The following PCID2 variants were observed in gnomAD, a reference collection of about 807,000 sequenced individuals.
PCID2 encodes the protein PCI domain-containing protein 2.
A neutral mutation model predicts 61.3 loss-of-function variants in PCID2; 41 were observed. That is an observed-to-expected ratio of 0.67 (90% CI 0.52 to 0.87). The LOEUF (loss-of-function observed/expected upper bound fraction) is 0.87. Ranked by LOEUF, PCID2 falls within the 40% of genes least tolerant of loss-of-function variation. The pLI, the probability that PCID2 is intolerant of heterozygous loss-of-function variation, is 0.00. For synonymous variants in PCID2, 187 were observed against 177.8 expected (o/e 1.05, Z -0.41); for missense variants, 392 against 493.4 (o/e 0.79, Z 1.95).
At position 113,197,145 on chromosome 13, in the gene PCID2, T is replaced by C. The variant is rs1201659970; in HGVS notation, c.266+33A>G. On this transcript the variant is annotated intron_variant, in intron 4 of 13. Coordinates refer to ENST00000337344, the MANE Select transcript of PCID2 (RefSeq NM_001127202.4). ...CAAGTAATCCACTGCATGTGTTCTA[T>C]GCGGGACAGCTGCCATGAACGACAA... The C allele has an allele frequency of 3.7e-6, 6 of 1,614,042 alleles. No individual in the cohort carries two copies. In the East Asian group the frequency reaches 6.7e-5, roughly 18 times the overall value.
chr13:113,204,749 G>T (rs1001878303), intron 1 of PCID2, among the ~76,000 whole-genome samples: 1 of 152,208 alleles, frequency 6.6e-6, no homozygotes, highest in Admixed American at 6.5e-5. Context: ...GATGTGAAGA[G>T]GAAAAGCAGG....
At position 113,177,626 on chromosome 13, in the gene PCID2, A is replaced by G. The variant is rs907548013; in HGVS notation, c.*572T>C. 2.0e-5 allele frequency: 3 copies of G among 152,234 alleles called. No individual in the cohort carries two copies. Among genetic ancestry groups the G allele is most frequent in the Admixed American group, 1.3e-4 (2 of 15,294 alleles). 9.4% of individuals were successfully genotyped at this position (152,234 alleles called of 1,614,324 possible). Reference sequence around the variant, plus strand: ...AACCAACAAAGCAAAGGCAAATAAAATAAGTTTATTGGGATGTAACCCTAT... The same window carrying G: ...AACCAACAAAGCAAAGGCAAATAAAGTAAGTTTATTGGGATGTAACCCTAT... On this transcript the variant is annotated 3_prime_UTR_variant, in exon 14 of 14. Transcript: ENST00000337344.
intron 1 of PCID2, among the ~76,000 whole-genome samples, chr13:113,204,178 TG>T (rs1408656080): frequency 6.6e-6 from 1 of 152,250 alleles, no homozygotes; most frequent in Non-Finnish European, 1.5e-5. Context: ...GGCCTTGCAC[TG>T]GGCCCAGCCC....
intron 1 of PCID2, among the ~76,000 whole-genome samples, chr13:113,203,908 C>T (rs1463839509): frequency 6.6e-6 from 1 of 152,238 alleles, no homozygotes; most frequent in Non-Finnish European, 1.5e-5. Context: ...GTCAGTTTAG[C>T]CCCAGAGAGG....
At chr13:113,194,280 GAC>G (rs2038842113) in intron 6 of PCID2, among the ~76,000 whole-genome samples, 1 of 152,186 alleles carries the variant, frequency 6.6e-6, no homozygotes, top group Non-Finnish European at 1.5e-5. Flanking sequence ...TGCTGGATTG[GAC>G]TGTCTTCCCA....
intron 9 of PCID2, 128 bp from the exon 10 acceptor site, chr13:113,181,358 A>C (rs989697781): frequency 1.7e-6 from 1 of 593,438 alleles, no homozygotes; most frequent in Non-Finnish European, 3.0e-6. Context: ...ATCTCAAAAA[A>C]TATCATCCCA....
chr13:113,208,403 G>A (rs1566997418), intron 1 of PCID2, 196 bp downstream of exon 1: 1 of 1,473,656 alleles, frequency 6.8e-7, no homozygotes, highest in Non-Finnish European at 9.0e-7. Flanking sequence ...CGGCGGCCCT[G>A]CAGGGGAGAA....
rs2037383273 is a variant in PCID2, at chr13:113,179,108, A to AG, written c.987-20dup. ...CAAATACCTGGAAGAGGGGAGGAGAAGGGCACTGTGGTTACCGACAGGATG... is the reference window on the plus strand; with the variant it reads ...CAAATACCTGGAAGAGGGGAGGAGAAGGGGCACTGTGGTTACCGACAGGATG... On this transcript the variant is annotated intron_variant, in intron 12 of 13. Coordinates refer to ENST00000337344, the MANE Select transcript of PCID2 (RefSeq NM_001127202.4). The surrounding 1 kb of genome is among the most constrained non-coding windows in gnomAD (Gnocchi z 4.3). 1 of 1,610,578 alleles carries AG rather than the reference A, an allele frequency of 6.2e-7. No individual in the cohort carries two copies. The highest frequency in any genetic ancestry group is 1.3e-5 in the African/African-American group (1 of 74,798).
chr13:113,208,053 T>C, intron 1 of PCID2: 3 of 1,612,830 alleles, frequency 1.9e-6, no homozygotes, highest in Non-Finnish European at 2.5e-6. Flanking sequence ...GTCAGACGCA[T>C]GTACCGAGCG....
chr13:113,193,323 G>A (rs1282722377), intron 6 of PCID2, among the ~76,000 whole-genome samples: 1 of 151,222 alleles, frequency 6.6e-6, no homozygotes, highest in Non-Finnish European at 1.5e-5. Context: ...TAGAGTCAAA[G>A]AATTATCTCA....
chr13:113,178,861 G>A (rs1209163962), intron 13 of PCID2, 105 bp downstream of exon 13: 3 of 1,139,436 alleles, frequency 2.6e-6, no homozygotes, highest in African/African-American at 3.1e-5. Context: ...CAAAAAAAAA[G>A]CAGAAGGCCT....
At chr13:113,175,951 G>A (rs1463365157), downstream of PCID2, among the ~76,000 whole-genome samples, 1 of 152,254 alleles carries the variant, frequency 6.6e-6, no homozygotes, top group African/African-American at 2.4e-5. Flanking sequence ...GAGAGCCCGG[G>A]CCAATACACG....
intron 5 of PCID2, among the ~76,000 whole-genome samples, chr13:113,195,342 C>T (rs1317711556): frequency 6.6e-6 from 1 of 152,220 alleles, no homozygotes; most frequent in Non-Finnish European, 1.5e-5. Context: ...CGGTGCTCCA[C>T]ACCCCTGTCC....
chr13:113,179,289 C>T lies in PCID2; in HGVS notation c.987-200G>A, dbSNP rs2037399165. The stretch of plus-strand genomic sequence containing the variant: ...CTTTAAAAAGTCACTAGTACAAACA[C>T]AATTTTTAATTATTTTCTAAGTATT... On this transcript the variant is annotated intron_variant, in intron 12 of 13. Coordinates refer to ENST00000337344, the MANE Select transcript of PCID2 (RefSeq NM_001127202.4). This position sits in a 1 kb window ranked among gnomAD's most constrained non-coding sequence, Gnocchi z 4.3. 6.6e-6 allele frequency among the ~76,000 whole-genome samples: 1 copy of T among 152,128 alleles called. No homozygotes were observed. The highest frequency in any genetic ancestry group is 1.5e-5 in the Non-Finnish European group (1 of 68,024).
intron 7 of PCID2, among the ~76,000 whole-genome samples, chr13:113,189,875 T>G (rs1595199390): frequency 6.6e-6 from 1 of 152,022 alleles, no homozygotes; most frequent in Non-Finnish European, 1.5e-5. Context: ...ATACAAAAAG[T>G]AGCCGGACGT....
the PCID2 span, chr13:113,170,681 G>A: frequency 1.6e-6 from 1 of 637,126 alleles, no homozygotes; most frequent in Non-Finnish European, 2.8e-6. Context: ...ATCAACTCAG[G>A]AAGCATATGT....
At chr13:113,173,774 A>G (rs2037150679), downstream of PCID2, among the ~76,000 whole-genome samples, 1 of 152,236 alleles carries the variant, frequency 6.6e-6, no homozygotes, top group African/African-American at 2.4e-5. Flanking sequence ...TCAAACTACA[A>G]TAAGGTAAGT....
At chr13:113,176,779 A>T (rs1433298184), downstream of PCID2, among the ~76,000 whole-genome samples, 1 of 152,048 alleles carries the variant, frequency 6.6e-6, no homozygotes, top group Non-Finnish European at 1.5e-5. Context: ...GGAGGGAGAG[A>T]GTCATCTCTA....
rs888323299 is a variant in PCID2 at position 113,179,808 on chromosome 13, C to T, written c.986+109G>A. On this transcript the variant is annotated intron_variant, in intron 12 of 13. Coordinates refer to ENST00000337344, the MANE Select transcript of PCID2 (RefSeq NM_001127202.4). This position sits in a 1 kb window ranked among gnomAD's most constrained non-coding sequence, Gnocchi z 4.3. ...ATCCCACACAATGGAAGGAAGATAACGACCCCACCCACACGGTGGCCTTCT... is the reference window on the plus strand; with the variant it reads ...ATCCCACACAATGGAAGGAAGATAATGACCCCACCCACACGGTGGCCTTCT... 67 of 1,099,828 alleles carry T rather than the reference C, an allele frequency of 6.1e-5. No individual in the cohort carries two copies. Among genetic ancestry groups the T allele is most frequent in the Admixed American group, 1.8e-4 (7 of 38,342 alleles). 68.1% of individuals were successfully genotyped at this position (1,099,828 alleles called of 1,614,324 possible).
Sources: gnomAD v4.1 joint callset for allele counts (sites outside exome capture counted in the v4.1 genomes callset) on GRCh38, gnomAD v4.1.1 for gene constraint, Gnocchi (gnomAD v3.1) non-coding constraint, MANE v1.5 for transcripts, NCBI Gene and HGNC (gene_info 2026-07-23, HGNC 2026-07-21) for gene names.